RABGAP1L: variants seen among roughly 807,000 people sequenced by gnomAD.
The protein encoded by RABGAP1L is rab GTPase-activating protein 1-like.
In RABGAP1L, 63 loss-of-function variants were observed where a neutral mutation model predicts 137.7. The observed-to-expected ratio is 0.46, with a 90% confidence interval of 0.37 to 0.56. The LOEUF (loss-of-function observed/expected upper bound fraction) is 0.56, where lower values mean the gene tolerates loss of function less well. Among genes scored for constraint, RABGAP1L ranks in the 20% least tolerant of loss-of-function variants. The pLI is 0.00. For synonymous variants in RABGAP1L, 431 were observed against 433.7 expected (o/e 0.99, Z 0.08); for missense variants, 1,095 against 1,244.0 (o/e 0.88, Z 1.80).
At chr1:174,968,896 T>G (rs1027400043) in intron 20 of RABGAP1L, among the ~76,000 whole-genome samples, 2 of 152,188 alleles carry the variant, frequency 1.3e-5, no homozygotes, top group Admixed American at 1.3e-4. Context: ...TCTTGTGGTT[T>G]CTCTTGAGGT....
chr1:174,972,633 G>A (rs1472783324), intron 21 of RABGAP1L, among the ~76,000 whole-genome samples: 2 of 152,016 alleles, frequency 1.3e-5, no homozygotes, highest in Non-Finnish European at 2.9e-5. Context: ...CAGGTGGATT[G>A]CCTGAGCTTA....
intron 17 of RABGAP1L, among the ~76,000 whole-genome samples, chr1:174,731,685 G>C (rs1682490396): frequency 6.6e-6 from 1 of 152,116 alleles, no homozygotes; most frequent in Non-Finnish European, 1.5e-5. Flanking sequence ...AACTTTGCAA[G>C]ATCTCTGGCA....
At chr1:174,848,812 CG>C (rs1383876353) in intron 19 of RABGAP1L, among the ~76,000 whole-genome samples, 4 of 151,192 alleles carry the variant, frequency 2.6e-5, no homozygotes, top group Admixed American at 2.6e-4. Context: ...CAATGGCGGG[CG>C]CCCCTCCCCC....
intron 18 of RABGAP1L, among the ~76,000 whole-genome samples, chr1:174,803,066 TC>T (rs920095508): frequency 6.6e-6 from 1 of 152,194 alleles, no homozygotes; most frequent in Non-Finnish European, 1.5e-5. Flanking sequence ...TATTTTTTTT[TC>T]ATCATAAAAC....
At chr1:174,494,289 A>G (rs1660549046) in intron 13 of RABGAP1L, among the ~76,000 whole-genome samples, 1 of 152,108 alleles carries the variant, frequency 6.6e-6, no homozygotes. Context: ...TGTTCCTTGT[A>G]AAAATATGAT....
chr1:174,174,399 G>A (rs1665671219), intron 1 of RABGAP1L, among the ~76,000 whole-genome samples: 1 of 152,170 alleles, frequency 6.6e-6, no homozygotes, highest in African/African-American at 2.4e-5. Flanking sequence ...ATATATATTA[G>A]TTAGGATTCT....
At chr1:174,455,994 T>C (rs1446172907) in intron 13 of RABGAP1L, among the ~76,000 whole-genome samples, 2 of 152,134 alleles carry the variant, frequency 1.3e-5, no homozygotes, top group Non-Finnish European at 2.9e-5. Flanking sequence ...AATGTATTTA[T>C]AGATGGCTGG....
At chr1:174,649,819 C>G (rs559357602) in intron 14 of RABGAP1L, among the ~76,000 whole-genome samples, 1 of 152,140 alleles carries the variant, frequency 6.6e-6, no homozygotes, top group Admixed American at 6.5e-5. Flanking sequence ...ACTGAATACC[C>G]TTTATTTCCT....
intron 11 of RABGAP1L, among the ~76,000 whole-genome samples, chr1:174,327,751 A>G (rs1680562924): frequency 6.6e-6 from 1 of 151,354 alleles, no homozygotes. Flanking sequence ...CCCCCAAGAG[A>G]CTCACTTCAC....
At chr1:174,500,723 A>C (rs1167623633) in intron 13 of RABGAP1L, among the ~76,000 whole-genome samples, 1 of 152,202 alleles carries the variant, frequency 6.6e-6, no homozygotes, top group East Asian at 1.9e-4. Flanking sequence ...CTTCTGATAT[A>C]GATATTATTA....
chr1:174,448,815 A>G lies in RABGAP1L; in HGVS notation c.1710+54670A>G. 6.2e-7 allele frequency: 1 copy of G among 1,614,118 alleles called. No homozygotes were observed. Among genetic ancestry groups the G allele is most frequent in the South Asian group, 1.1e-5 (1 of 91,082 alleles). On this transcript the variant is annotated intron_variant, in intron 13 of 25. Coordinates refer to ENST00000681986, the MANE Select transcript of RABGAP1L (RefSeq NM_001366446.1). The surrounding 1 kb of genome is among the most constrained non-coding windows in gnomAD (Gnocchi z 4.2). Reference sequence around the variant, plus strand: ...TTCAAAATTTGCCGTCAGCACACCAAAGAGATAAATGACCGAAGAGCCCGA... The same window carrying G: ...TTCAAAATTTGCCGTCAGCACACCAGAGAGATAAATGACCGAAGAGCCCGA...
intron 1 of RABGAP1L, among the ~76,000 whole-genome samples, chr1:174,165,974 G>T (rs772957980): frequency 6.6e-6 from 1 of 152,174 alleles, no homozygotes; most frequent in Non-Finnish European, 1.5e-5. Flanking sequence ...GCACCAGATG[G>T]TTAAGAGCCT....
At chr1:174,598,352 C>A (rs1670141262) in intron 13 of RABGAP1L, among the ~76,000 whole-genome samples, 1 of 144,250 alleles carries the variant, frequency 6.9e-6, no homozygotes, top group Non-Finnish European at 1.5e-5. Context: ...AAAAAATGGT[C>A]TGTCTTTGAG....
At chr1:174,447,340 G>A (rs1308726944) in intron 13 of RABGAP1L, among the ~76,000 whole-genome samples, 1 of 151,974 alleles carries the variant, frequency 6.6e-6, no homozygotes, top group Non-Finnish European at 1.5e-5. Context: ...GAGAGTTATA[G>A]GGCAATCTGG....
At chr1:174,383,727 G>C (rs934976460) in intron 12 of RABGAP1L, among the ~76,000 whole-genome samples, 3 of 152,226 alleles carry the variant, frequency 2.0e-5, no homozygotes, top group Non-Finnish European at 2.9e-5. Context: ...ACCTCAGATG[G>C]AAATGCAGAA....
At chr1:174,201,144 A>G (rs1668065012) in intron 1 of RABGAP1L, among the ~76,000 whole-genome samples, 1 of 152,086 alleles carries the variant, frequency 6.6e-6, no homozygotes, top group African/African-American at 2.4e-5. Context: ...TTGCAGAGAC[A>G]AGAGTCTCCC....
At chr1:174,374,252 T>C (rs974635084) in intron 12 of RABGAP1L, among the ~76,000 whole-genome samples, 2 of 152,160 alleles carry the variant, frequency 1.3e-5, no homozygotes, top group Non-Finnish European at 2.9e-5. Flanking sequence ...CCATGCATCA[T>C]AGAAATAAGC....
intron 11 of RABGAP1L, among the ~76,000 whole-genome samples, chr1:174,340,733 T>TA (rs1470437545): frequency 6.6e-6 from 1 of 152,238 alleles, no homozygotes; most frequent in African/African-American, 2.4e-5. Flanking sequence ...ACAATGAACA[T>TA]ACAGTGCATG....
At chr1:174,949,669 G>T (rs185437343) in intron 19 of RABGAP1L, among the ~76,000 whole-genome samples, 1 of 152,246 alleles carries the variant, frequency 6.6e-6, no homozygotes, top group East Asian at 1.9e-4. Flanking sequence ...GAAGTTCTGG[G>T]CAGAAAACTA....
Sources: gnomAD v4.1 joint callset for allele counts (sites outside exome capture counted in the v4.1 genomes callset) on GRCh38, gnomAD v4.1.1 for gene constraint, Gnocchi (gnomAD v3.1) non-coding constraint, MANE v1.5 for transcripts, NCBI Gene and HGNC (gene_info 2026-07-23, HGNC 2026-07-21) for gene names.